FBXL17: variants seen among roughly 807,000 people sequenced by gnomAD.
FBXL17 encodes F-box/LRR-repeat protein 17.
A neutral mutation model predicts 66.2 loss-of-function variants in FBXL17; 22 were observed. The ratio of observed to expected loss-of-function variants is 0.33; its 90% CI spans 0.24 to 0.47. The LOEUF is 0.47. FBXL17 is among the 20% of genes least tolerant of loss of function. The pLI is 1.00. For missense variants in FBXL17, 878 were observed against 948.2 expected (o/e 0.93, Z 0.97); for synonymous variants, 474 against 400.5 (o/e 1.18, Z -2.19).
chr5:108,111,977 C>T (rs1020835723), intron 6 of FBXL17, among the ~76,000 whole-genome samples: 3 of 152,108 alleles, frequency 2.0e-5, no homozygotes, highest in African/African-American at 7.2e-5. Flanking sequence ...ATGAGGACAG[C>T]CATATACATA....
In FBXL17 at chr5:108,382,027, C is replaced by G. The variant is rs886716112; in HGVS notation, c.-336G>C. Reference sequence around the variant, plus strand: ...CGGCTCAGTCAGTCAGCGGAGCGGCCGGGGAAAGGCCGGGTCCCGCTCGGA... The same window carrying G: ...CGGCTCAGTCAGTCAGCGGAGCGGCGGGGGAAAGGCCGGGTCCCGCTCGGA... On this transcript the variant is annotated 5_prime_UTR_variant, in exon 1 of 9. Coordinates refer to ENST00000542267, the MANE Select transcript of FBXL17 (RefSeq NM_001163315.3). 5 of 1,051,430 alleles carry G rather than the reference C, an allele frequency of 4.8e-6. No individual in the cohort carries two copies. The highest frequency in any genetic ancestry group is 1.7e-5 in the African/African-American group (1 of 60,090). The allele number at this position is 1,051,430 out of a possible 1,614,324, so 65.1% of individuals were successfully genotyped here. A position where few individuals can be genotyped will look rare whatever the true frequency, so the allele number is the denominator to read the frequency against.
At chr5:108,110,790 G>A (rs917858698) in intron 6 of FBXL17, among the ~76,000 whole-genome samples, 2 of 151,026 alleles carry the variant, frequency 1.3e-5, no homozygotes, top group Non-Finnish European at 2.9e-5. Context: ...TTTTCACAGT[G>A]CCATTATTTG....
intron 7 of FBXL17, among the ~76,000 whole-genome samples, chr5:107,896,237 G>A (rs892265802): frequency 1.3e-5 from 2 of 151,986 alleles, no homozygotes; most frequent in Non-Finnish European, 2.9e-5. Flanking sequence ...CAATAACGTT[G>A]AGAAATTATG....
At chr5:108,310,194 A>T (rs1200364497) in intron 4 of FBXL17, among the ~76,000 whole-genome samples, 2 of 152,138 alleles carry the variant, frequency 1.3e-5, no homozygotes, top group African/African-American at 4.8e-5. Flanking sequence ...TACAATTTGG[A>T]GCTCTCACAA....
chr5:108,181,446 T>C (rs1752998032), intron 6 of FBXL17, among the ~76,000 whole-genome samples: 1 of 152,082 alleles, frequency 6.6e-6, no homozygotes. Context: ...AAAAGTGCTT[T>C]TGGAAAAACA....
chr5:108,338,412 A>G (rs148101766), intron 4 of FBXL17, among the ~76,000 whole-genome samples: 1 of 152,262 alleles, frequency 6.6e-6, no homozygotes, highest in East Asian at 1.9e-4. Context: ...ATTTATTTAT[A>G]TGTTTTATTA....
chr5:107,969,230 G>A (rs1166500945), intron 7 of FBXL17, among the ~76,000 whole-genome samples: 1 of 152,100 alleles, frequency 6.6e-6, no homozygotes, highest in Non-Finnish European at 1.5e-5. Context: ...TTGAAAGCAT[G>A]GATAAATAGC....
At chr5:108,327,188 T>C (rs1436356348) in intron 4 of FBXL17, among the ~76,000 whole-genome samples, 1 of 152,198 alleles carries the variant, frequency 6.6e-6, no homozygotes, top group South Asian at 2.1e-4. Flanking sequence ...CACCTAGGAA[T>C]TGTTGTCAAC....
intron 4 of FBXL17, among the ~76,000 whole-genome samples, chr5:108,295,356 T>C (rs1758303328): frequency 6.6e-6 from 1 of 151,956 alleles, no homozygotes; most frequent in South Asian, 2.1e-4. Flanking sequence ...TCATATATTC[T>C]AAGCACATTA....
chr5:108,092,312 A>G (rs1749216323), intron 6 of FBXL17, among the ~76,000 whole-genome samples: 2 of 152,094 alleles, frequency 1.3e-5, no homozygotes. Flanking sequence ...GAGTCTCTTT[A>G]TTAGTTTTTT....
At chr5:108,238,238 A>G (rs1261008321) in intron 4 of FBXL17, among the ~76,000 whole-genome samples, 1 of 152,230 alleles carries the variant, frequency 6.6e-6, no homozygotes, top group East Asian at 1.9e-4. Flanking sequence ...TCTTCATTTA[A>G]TGAAAACTTC....
At chr5:107,968,012 T>C (rs908508499) in intron 7 of FBXL17, among the ~76,000 whole-genome samples, 1 of 152,154 alleles carries the variant, frequency 6.6e-6, no homozygotes, top group African/African-American at 2.4e-5. Flanking sequence ...TACTAAGGTA[T>C]AACGGACAAA....
chr5:108,085,367 G>A (rs934236609), intron 6 of FBXL17, among the ~76,000 whole-genome samples: 1 of 152,146 alleles, frequency 6.6e-6, no homozygotes, highest in Non-Finnish European at 1.5e-5. Flanking sequence ...ATTTCACATT[G>A]TTTGTTGGTG....
intron 7 of FBXL17, among the ~76,000 whole-genome samples, chr5:107,939,013 C>A (rs79955751): frequency 3.9e-5 from 6 of 151,914 alleles, no homozygotes; most frequent in South Asian, 2.1e-4. Flanking sequence ...GCCATTCAGA[C>A]GAAATAGAAT....
At chr5:108,345,419 T>C (rs1043151529) in intron 4 of FBXL17, among the ~76,000 whole-genome samples, 2 of 151,710 alleles carry the variant, frequency 1.3e-5, no homozygotes, top group African/African-American at 2.4e-5. Context: ...TGGCAAATCA[T>C]TGTCCTCACT....
intron 6 of FBXL17, among the ~76,000 whole-genome samples, chr5:108,121,792 C>T (rs918056493): frequency 2.0e-5 from 3 of 152,128 alleles, no homozygotes; most frequent in African/African-American, 7.2e-5. Context: ...CTCCTGACCT[C>T]GTGATCCGCC....
At chr5:108,151,111 A>G (rs1193758986) in intron 6 of FBXL17, among the ~76,000 whole-genome samples, 1 of 152,208 alleles carries the variant, frequency 6.6e-6, no homozygotes, top group African/African-American at 2.4e-5. Context: ...TGAAGTACTC[A>G]GTATAAAGAG....
At position 107,876,065 on chromosome 5, in the gene FBXL17, C is replaced by G. The variant is rs547746923; in HGVS notation, c.1965+4972G>C. On this transcript the variant is annotated intron_variant, in intron 8 of 8. Transcript: ENST00000542267. ...CTTTCACAATCTATTTATGTCTGTT[C>G]CTTAAGTAACGTGGCCCTCACAGCC... Among the ~76,000 whole-genome samples, 188 of 152,332 alleles carry G rather than the reference C, an allele frequency of 1.2e-3. 1 individual carries two copies. The highest frequency in any genetic ancestry group is 4.4e-3 in the African/African-American group (183 of 41,574).
At chr5:107,997,086 C>T (rs1353728663) in intron 7 of FBXL17, among the ~76,000 whole-genome samples, 1 of 152,178 alleles carries the variant, frequency 6.6e-6, no homozygotes, top group Non-Finnish European at 1.5e-5. Flanking sequence ...AAACTTACAG[C>T]ATGGAGTATT....
Sources: gnomAD v4.1 joint callset for allele counts (sites outside exome capture counted in the v4.1 genomes callset) on GRCh38, gnomAD v4.1.1 for gene constraint, MANE v1.5 for transcripts, NCBI Gene and HGNC (gene_info 2026-07-23, HGNC 2026-07-21) for gene names.